ZNF362: variants seen among roughly 807,000 people sequenced by gnomAD.
The protein encoded by ZNF362 is rotund homolog.
A neutral mutation model predicts 42.9 loss-of-function variants in ZNF362; 11 were observed. The ratio of observed to expected loss-of-function variants is 0.26; its 90% CI spans 0.16 to 0.42. The LOEUF is 0.42. Ranked by LOEUF, ZNF362 falls within the 20% of genes least tolerant of loss-of-function variation. The pLI, the probability that ZNF362 is intolerant of heterozygous loss-of-function variation, is 1.00. For missense variants in ZNF362, 362 were observed against 576.2 expected, an observed-to-expected ratio of 0.63 and a Z score of 3.81; for synonymous variants, 255 against 257.3, an observed-to-expected ratio of 0.99 and a Z score of 0.09.
At chr1:33,255,070 T>C (rs1353304050), upstream of ZNF362, among the ~76,000 whole-genome samples, 1 of 152,180 alleles carries the variant, frequency 6.6e-6, no homozygotes, top group Non-Finnish European at 1.5e-5. Flanking sequence ...TCCAACTAAT[T>C]CATGCCACAC....
At chr1:33,296,087 A>T (rs1435925996) in intron 8 of ZNF362, among the ~76,000 whole-genome samples, 1 of 152,206 alleles carries the variant, frequency 6.6e-6, no homozygotes, top group East Asian at 1.9e-4. Flanking sequence ...GAACTGTTGG[A>T]GACAAGTATT....
chr1:33,141,764 T>G, the ZNF362 span: 1 of 167,820 alleles, frequency 6.0e-6, no homozygotes, highest in Non-Finnish European at 1.3e-5. Flanking sequence ...GGTTGATAGG[T>G]GCAGCAAACC....
At chr1:33,247,941 G>A in the ZNF362 span, among the ~76,000 whole-genome samples, 1 of 152,246 alleles carries the variant, frequency 6.6e-6, no homozygotes, top group Non-Finnish European at 1.5e-5. Context: ...TCCCTTCTCT[G>A]GGTGAGGTCA....
chr1:33,170,538 A>G, the ZNF362 span, among the ~76,000 whole-genome samples: 2 of 152,098 alleles, frequency 1.3e-5, no homozygotes, highest in Admixed American at 1.3e-4. Context: ...TCCCTGCCCA[A>G]GGATGAGGCT....
Position 33,266,965 on chromosome 1 carries a change from C to T in ZNF362, c.-88-3522C>T, listed in dbSNP as rs1008694016. On this transcript the variant is annotated intron_variant, in intron 1 of 8. Coordinates refer to ENST00000539719, the MANE Select transcript of ZNF362 (RefSeq NM_152493.3). This position sits in a 1 kb window ranked among gnomAD's most constrained non-coding sequence, Gnocchi z 4.3. ...GGATTTTAAGCGGTAGACTTAGCGC[C>T]CTGGGAAGGCTCTCCTTCGGCTTGG... Among the ~76,000 whole-genome samples the T allele has an allele frequency of 6.6e-6, 1 of 152,144 alleles. No homozygotes were observed. The highest frequency in any genetic ancestry group is 6.5e-5 in the Admixed American group (1 of 15,282).
chr1:33,190,488 A>G, the ZNF362 span, among the ~76,000 whole-genome samples: 2 of 152,332 alleles, frequency 1.3e-5, no homozygotes, highest in South Asian at 4.1e-4. Context: ...GAGTTGCTCA[A>G]TGATGTCAGT....
At chr1:33,231,103 A>G in the ZNF362 span, among the ~76,000 whole-genome samples, 2 of 152,218 alleles carry the variant, frequency 1.3e-5, 1 homozygote, top group Non-Finnish European at 2.9e-5. Context: ...GCTTTGTGCT[A>G]AGAGATTTGC....
In ZNF362 at chr1:33,281,543, A is replaced by G. The variant is rs1228823280; in HGVS notation, c.684-44A>G. The stretch of plus-strand genomic sequence containing the variant: ...GTAGAAGGCCTCCCCTGAGATGGAC[A>G]GTCTGGGGGATCTTCCCACGTGAAC... On this transcript the variant is annotated intron_variant, in intron 5 of 8. Coordinates refer to ENST00000539719, the MANE Select transcript of ZNF362 (RefSeq NM_152493.3). The surrounding 1 kb of genome is among the most constrained non-coding windows in gnomAD (Gnocchi z 4.8). The G allele has an allele frequency of 6.3e-7, 1 of 1,596,078 alleles. No individual in the cohort carries two copies. The highest frequency in any genetic ancestry group is 2.2e-5 in the East Asian group (1 of 44,758).
At chr1:33,143,296 T>C in the ZNF362 span, 1 of 152,244 alleles carries the variant, frequency 6.6e-6, no homozygotes, top group African/African-American at 2.4e-5. Context: ...GTGGCCAGCA[T>C]TTCTTGGAGC....
At chr1:33,249,346 A>T in the ZNF362 span, among the ~76,000 whole-genome samples, 1 of 152,156 alleles carries the variant, frequency 6.6e-6, no homozygotes, top group Non-Finnish European at 1.5e-5. Context: ...CTAGTTGGGG[A>T]TGAAAGGGTT....
At chr1:33,272,101 C>T (rs1645908780) in intron 2 of ZNF362, among the ~76,000 whole-genome samples, 1 of 152,140 alleles carries the variant, frequency 6.6e-6, no homozygotes, top group South Asian at 2.1e-4. Flanking sequence ...AGGCTAGGGA[C>T]TGTAAAGGAG....
the ZNF362 span, chr1:33,159,899 G>A: frequency 4.3e-6 from 7 of 1,609,914 alleles, no homozygotes; most frequent in African/African-American, 4.0e-5. This position sits in a 1 kb window ranked among gnomAD's most constrained non-coding sequence, Gnocchi z 4.2. Flanking sequence ...CGGTGCAGCC[G>A]CTCGAAGGCC....
Position 33,281,716 on chromosome 1 carries a change from C to T in ZNF362, c.813C>T (p.Ala271=), listed in dbSNP as rs1014505236. 11 of 1,614,244 alleles carry T rather than the reference C, an allele frequency of 6.8e-6. No individual in the cohort carries two copies. The highest frequency in any genetic ancestry group is 1.6e-4 in the Middle Eastern group (1 of 6,062). ...CCTTTGCCAACGCCTCCTACCTGGC[C>T]CAGCACCTGCGCATCCACCTGGGCG... is the stretch of plus-strand genomic sequence containing the variant. ...SKSFANASYL[A]QHLRIHLGVK... The change falls in exon 6 of 9, where the codon GCC becomes GCT. Residue 271 remains alanine, a synonymous_variant. Coordinates refer to ENST00000539719, the MANE Select transcript of ZNF362 (RefSeq NM_152493.3). The surrounding 1 kb of genome is among the most constrained non-coding windows in gnomAD (Gnocchi z 4.8).
intron 6 of ZNF362, among the ~76,000 whole-genome samples, chr1:33,284,326 T>C (rs1646017171): frequency 6.6e-6 from 1 of 152,218 alleles, no homozygotes; most frequent in African/African-American, 2.4e-5. Context: ...TTAAATGAAA[T>C]TTGTCTTTAA....
the ZNF362 span, among the ~76,000 whole-genome samples, chr1:33,238,358 TAAAATAATAAAATAAAATAAAATA>T: frequency 1.1e-5 from 1 of 91,668 alleles, no homozygotes; most frequent in African/African-American, 3.5e-5. Context: ...TAAAATAAAA[TAAAATAATAAAATAAAATAAAATA>T]AATAAAATAA....
the ZNF362 span, among the ~76,000 whole-genome samples, chr1:33,225,542 C>T: frequency 6.6e-6 from 1 of 151,984 alleles, no homozygotes; most frequent in African/African-American, 2.4e-5. Flanking sequence ...TGCTTGTTTA[C>T]CCTTGTATTG....
chr1:33,290,142 C>T (rs922800192), intron 6 of ZNF362, among the ~76,000 whole-genome samples: 10 of 151,954 alleles, frequency 6.6e-5, no homozygotes, highest in Non-Finnish European at 1.5e-5. Flanking sequence ...ATGTGCAGAA[C>T]GTGCAGGTTT....
At chr1:33,203,835 G>T in the ZNF362 span, among the ~76,000 whole-genome samples, 1 of 152,088 alleles carries the variant, frequency 6.6e-6, no homozygotes, top group East Asian at 1.9e-4. Flanking sequence ...TCTTGCTATT[G>T]TTTCTTGCTA....
chr1:33,230,344 G>A, the ZNF362 span, among the ~76,000 whole-genome samples: 2 of 152,058 alleles, frequency 1.3e-5, no homozygotes, highest in Admixed American at 1.3e-4. Context: ...ATACATCCGC[G>A]CACCAACTCA....
Sources: allele counts gnomAD v4.1 joint callset (sites outside exome capture counted in the v4.1 genomes callset), GRCh38; gene constraint gnomAD v4.1.1; non-coding constraint Gnocchi (gnomAD v3.1); transcripts MANE v1.5; gene names NCBI Gene and HGNC (gene_info 2026-07-23, HGNC 2026-07-21).